SEC14L6: variants seen among roughly 807,000 people sequenced by gnomAD.
SEC14L6 encodes the protein SEC14-like protein 6.
Under a neutral mutation model 54.1 loss-of-function variants are expected in SEC14L6, and 40 were observed. The ratio of observed to expected loss-of-function variants is 0.74; its 90% CI spans 0.57 to 0.96. SEC14L6 has a LOEUF of 0.96. Among genes scored for constraint, SEC14L6 ranks in the 40% least tolerant of loss-of-function variants. SEC14L6 has a pLI of 0.00. For synonymous variants in SEC14L6, 171 were observed against 198.4 expected (o/e 0.86, Z 1.16); for missense variants, 471 against 498.3 (o/e 0.95, Z 0.52).
intron 5 of SEC14L6, 130 bp from the exon 6 acceptor site, chr22:30,532,128 G>C: frequency 2.1e-6 from 3 of 1,444,538 alleles, no homozygotes; most frequent in Non-Finnish European, 2.7e-6. Flanking sequence ...AGATGGGGGA[G>C]GGAAGGGGCC....
intron 4 of SEC14L6, 42 bp from the exon 5 acceptor site, chr22:30,532,755 T>G: frequency 6.2e-7 from 1 of 1,603,566 alleles, no homozygotes; most frequent in Non-Finnish European, 8.5e-7. Context: ...TGCCGAGGGC[T>G]GAGGGCCCAG....
chr22:30,543,859 G>A (rs1195382225), intron 1 of SEC14L6: 4 of 1,530,442 alleles, frequency 2.6e-6, no homozygotes, highest in African/African-American at 1.4e-5. Context: ...CACATATGCG[G>A]ACCTGAACCT....
intron 1 of SEC14L6, chr22:30,542,551 G>A (rs150576069): frequency 0.027 from 35,285 of 1,302,512 alleles, 584 homozygotes; most frequent in Non-Finnish European, 0.031. Flanking sequence ...TCCAGCCCTC[G>A]CGGGCGGCGT....
intron 3 of SEC14L6, among the ~76,000 whole-genome samples, chr22:30,533,427 C>T (rs1937048338): frequency 6.6e-6 from 1 of 152,116 alleles, no homozygotes; most frequent in African/African-American, 2.4e-5. Context: ...ATGGTGAAAC[C>T]CTGTCTCTAC....
intron 3 of SEC14L6, 117 bp downstream of exon 3, chr22:30,533,879 A>G: frequency 1.0e-6 from 1 of 1,000,202 alleles, no homozygotes. Flanking sequence ...TTCCAGTCTC[A>G]ATGAATGGGT....
rs528057632 is a variant in SEC14L6, at chr22:30,529,157, G to A, written c.594C>T (p.Phe198=). 252 of 1,551,064 alleles carry A rather than the reference G, an allele frequency of 1.6e-4. 7 individuals are homozygous for A. In the South Asian group the frequency reaches 2.5e-3, roughly 16 times the overall value. ...ACTTGACCAGGTTGAAGGCTACGGC[G>A]AATAGCTTGGGGGCTGAAACCAGGC... is the stretch of plus-strand genomic sequence containing the variant. The part of the protein sequence containing the change: ...SLIVVRAPKL[F]AVAFNLVKSY... Residue 198 remains phenylalanine, a synonymous_variant, in exon 8 of 12, where the codon TTC becomes TTT. Transcript: ENST00000402034.
At chr22:30,538,435 T>G (rs1445760172) in intron 2 of SEC14L6, among the ~76,000 whole-genome samples, 1 of 152,154 alleles carries the variant, frequency 6.6e-6, no homozygotes, top group Non-Finnish European at 1.5e-5. Context: ...CCCTGCTCAC[T>G]GGGATCACTT....
intron 1 of SEC14L6, chr22:30,543,409 C>A (rs1166283700): frequency 2.0e-5 from 32 of 1,604,716 alleles, no homozygotes; most frequent in Non-Finnish European, 2.3e-5. Context: ...ATTCTACCCC[C>A]AGAGACTACA....
chr22:30,535,403 C>T (rs1487083871), intron 2 of SEC14L6, among the ~76,000 whole-genome samples: 2 of 152,204 alleles, frequency 1.3e-5, no homozygotes, highest in Admixed American at 1.3e-4. Context: ...TCCCCAGGGC[C>T]TTGGGGAGTA....
At position 30,529,366 on chromosome 22, in the gene SEC14L6, C is replaced by G. The variant is rs766199638; in HGVS notation, c.520-17G>C. The G allele has an allele frequency of 6.5e-7, 1 of 1,547,788 alleles. No homozygotes were observed. The highest frequency in any genetic ancestry group is 1.2e-5 in the South Asian group (1 of 83,994). ...TGAGAAAAACTGCGGAACCAAGTGG[C>G]AGAAGTGATGGGCGTCTGAACACTG... On this transcript the variant is annotated splice_polypyrimidine_tract_variant and intron_variant, in intron 6 of 11. Transcript: ENST00000402034.
chr22:30,545,821 G>GT (rs1165885070), intron 1 of SEC14L6, among the ~76,000 whole-genome samples: 4 of 150,968 alleles, frequency 2.6e-5, no homozygotes, highest in African/African-American at 7.3e-5. Context: ...GTTTTGTTTT[G>GT]TTTTGTTTTT....
rs1034156467 is a variant in SEC14L6 at position 30,532,264 on chromosome 22, C to T, written c.423+261G>A. On this transcript the variant is annotated intron_variant, in intron 5 of 11. Transcript: ENST00000402034. ...GTGGGGCTGAAATCCCTGTCCCTCT[C>T]GTCCAATGAGGCTGCAGAGGGCAGT... is the stretch of plus-strand genomic sequence containing the variant. The T allele has an allele frequency of 2.4e-5, 24 of 985,360 alleles. No individual in the cohort carries two copies. The African/African-American group carries it at 3.5e-4, about 14-fold the overall frequency. The allele number at this position is 985,360 out of a possible 1,614,324, so 61.0% of individuals were successfully genotyped here. A position where few individuals can be genotyped will look rare whatever the true frequency, so the allele number is the denominator to read the frequency against.
chr22:30,534,098 G>T, intron 2 of SEC14L6, 59 bp from the exon 3 acceptor site: 3 of 1,502,202 alleles, frequency 2.0e-6, no homozygotes, highest in Non-Finnish European at 2.7e-6. Context: ...CAGGCTTCTG[G>T]AGAGACAACG....
intron 1 of SEC14L6, chr22:30,544,128 T>G (rs1307203348): frequency 2.1e-5 from 27 of 1,306,468 alleles, no homozygotes; most frequent in Non-Finnish European, 2.8e-5. Context: ...TGCTCTTCCT[T>G]GTCCCACAAG....
At position 30,542,188 on chromosome 22, in the gene SEC14L6, G is replaced by C. The variant is rs1007394037; in HGVS notation, c.55-3286C>G. ...TCCACTCCAGCTTTTCCTTCACCTC[G>C]GCACGGCTCTGAAAGGATCGGTCCC... is the stretch of plus-strand genomic sequence containing the variant. On this transcript the variant is annotated intron_variant, in intron 1 of 11. Transcript: ENST00000402034. 3.3e-5 allele frequency among the ~76,000 whole-genome samples: 5 copies of C among 151,968 alleles called. No homozygotes were observed. In the South Asian group the frequency reaches 6.2e-4, roughly 19 times the overall value.
chr22:30,531,164 T>C (rs1936955825), intron 6 of SEC14L6, among the ~76,000 whole-genome samples: 1 of 152,068 alleles, frequency 6.6e-6, no homozygotes, highest in Non-Finnish European at 1.5e-5. Context: ...TCCCAGCACT[T>C]TGGGAGGGTA....
chr22:30,532,671 C>T lies in SEC14L6; in HGVS notation c.277G>A (p.Gly93Ser), dbSNP rs532725817. 2.5e-5 allele frequency: 39 copies of T among 1,551,892 alleles called. No individual in the cohort carries two copies. The highest frequency in any genetic ancestry group is 1.4e-4 in the Admixed American group (7 of 51,042). ...YNANGICGHDGEGSPVWYHIV... is the reference protein window; with the variant it reads ...YNANGICGHDSEGSPVWYHIV... Reference sequence around the variant, plus strand: ...TGGTACCAGACAGGGCTGCCCTCACCGTCGTGGCCGCATATGCCGTTAGCG... The same window carrying T: ...TGGTACCAGACAGGGCTGCCCTCACTGTCGTGGCCGCATATGCCGTTAGCG... The change falls in exon 5 of 12, where the codon GGT (glycine) becomes AGT (serine). Residue 93 changes from glycine (G) to serine (S), a missense_variant. By Grantham distance (56) the Gly-to-Ser change is moderately conservative (BLOSUM62 0). Coordinates refer to ENST00000402034, the MANE Select transcript of SEC14L6 (RefSeq NM_001193336.4).
intron 1 of SEC14L6, among the ~76,000 whole-genome samples, chr22:30,545,805 T>C (rs527259220): frequency 6.6e-6 from 1 of 152,022 alleles, no homozygotes; most frequent in African/African-American, 2.4e-5. Flanking sequence ...TTTTTAGGTT[T>C]TTTTTGTTTT....
At chr22:30,544,500 A>C (rs2085778626) in intron 1 of SEC14L6, among the ~76,000 whole-genome samples, 1 of 151,978 alleles carries the variant, frequency 6.6e-6, no homozygotes, top group Non-Finnish European at 1.5e-5. Context: ...ACCACCCCTC[A>C]ACTGGGGCTT....
Sources: gnomAD v4.1 joint callset for allele counts (sites outside exome capture counted in the v4.1 genomes callset) on GRCh38, gnomAD v4.1.1 for gene constraint, MANE v1.5 for transcripts, NCBI Gene and HGNC (gene_info 2026-07-23, HGNC 2026-07-21) for gene names.